The following VWCE variants were observed in gnomAD, a reference collection of about 807,000 sequenced individuals.
VWCE encodes the protein von Willebrand factor C and EGF domain-containing protein.
In VWCE, 68 loss-of-function variants were observed where a neutral mutation model predicts 102.9. The ratio of observed to expected loss-of-function variants is 0.66; its 90% confidence interval spans 0.54 to 0.81. The LOEUF is 0.81. VWCE is among the 30% of genes least tolerant of loss of function. The pLI is 0.00. For missense variants in VWCE, 1,137 were observed against 1,263.6 expected (o/e 0.90, Z 1.52); for synonymous variants, 497 against 515.4 (o/e 0.96, Z 0.48).
At chr11:61,291,036 C>T (rs1855487489) in intron 3 of VWCE, 109 bp from the exon 4 acceptor site, 2 of 1,489,434 alleles carry the variant, frequency 1.3e-6, no homozygotes, top group Non-Finnish European at 1.8e-6. Flanking sequence ...TGAAGGCAAA[C>T]AGGCCTGGGT....
Position 61,295,147 on chromosome 11 carries a change from G to A in VWCE, c.-110C>T. ...CTGGCGCCGTGGGGAGCGAACCAGC[G>A]ATCCCCGAAATGGCACGCAGAGCTG... On this transcript the variant is annotated 5_prime_UTR_variant, in exon 1 of 20. Coordinates refer to ENST00000335613, the MANE Select transcript of VWCE (RefSeq NM_152718.2). The surrounding 1 kb of genome is among the most constrained non-coding windows in gnomAD (Gnocchi z 4.6). 1 of 642,666 alleles carries A rather than the reference G, an allele frequency of 1.6e-6. No individual in the cohort carries two copies. The highest frequency in any genetic ancestry group is 2.3e-6 in the Non-Finnish European group (1 of 442,096). The allele number at this position is 642,666 out of a possible 1,614,324, so 39.8% of individuals were successfully genotyped here. A position where few individuals can be genotyped will look rare whatever the true frequency, so the allele number is the denominator to read the frequency against.
chr11:61,280,524 T>C, intron 9 of VWCE, 100 bp downstream of exon 9: 1 of 1,218,602 alleles, frequency 8.2e-7, no homozygotes, highest in Non-Finnish European at 1.2e-6. Context: ...CTCCAGGAGA[T>C]TCTAATGTAT....
At chr11:61,269,053 G>A (rs762973559) in intron 14 of VWCE, 35 bp from the exon 15 acceptor site, 19 of 1,597,214 alleles carry the variant, frequency 1.2e-5, no homozygotes, top group South Asian at 6.7e-5. Flanking sequence ...AGACCCCACC[G>A]GTGACACCGG....
chr11:61,285,992 G>A (rs1374381786), intron 5 of VWCE, among the ~76,000 whole-genome samples: 2 of 152,160 alleles, frequency 1.3e-5, no homozygotes, highest in South Asian at 2.1e-4. Flanking sequence ...GACCTGAGGT[G>A]ATCCTCCCGC....
At chr11:61,268,602 T>A (rs550668573) in intron 15 of VWCE, among the ~76,000 whole-genome samples, 8 of 152,268 alleles carry the variant, frequency 5.3e-5, no homozygotes, top group Admixed American at 1.3e-4. Context: ...TCTGAAATCA[T>A]GGAAAAGGTA....
Position 61,280,904 on chromosome 11 carries a change from G to A in VWCE, c.1119C>T (p.Gly373=). The change falls in exon 8 of 20, where the codon GGC becomes GGT. Residue 373 remains glycine, a synonymous_variant. Transcript: ENST00000335613. ...CTGCTGCCAGTCGGGGGGACTCAGG[G>A]CCCCTGGGTGAGGAAGGGGTCCCCA... The part of the protein sequence containing the change: ...EVMGTPSSPR[G]PESPRLAAGP... The A allele has an allele frequency of 6.5e-7, 1 of 1,528,712 alleles. No homozygotes were observed. Among genetic ancestry groups the A allele is most frequent in the Admixed American group, 2.2e-5 (1 of 46,116 alleles). The allele number at this position is 1,528,712 out of a possible 1,614,324, so 94.7% of individuals were successfully genotyped here. A position where few individuals can be genotyped will look rare whatever the true frequency, so the allele number is the denominator to read the frequency against.
chr11:61,269,399 A>G (rs1854606048), intron 14 of VWCE: 1 of 197,790 alleles, frequency 5.1e-6, no homozygotes, highest in African/African-American at 2.3e-5. Context: ...CAATGCCACC[A>G]GAAGTGTCTA....
chr11:61,287,467 T>C (rs1338373709), intron 4 of VWCE, among the ~76,000 whole-genome samples: 2 of 151,892 alleles, frequency 1.3e-5, no homozygotes, highest in East Asian at 3.9e-4. Context: ...ATCAACAGAG[T>C]CATTCTCTTA....
rs528668530 is a variant in VWCE, at chr11:61,286,306, C to A, written c.541+8G>T. ...TCCCAGAGCAGCCATTCCTTCTCTG[C>A]AGCTCACCTTGGCAGCTGTGGCGGT... On this transcript the variant is annotated splice_region_variant and intron_variant, in intron 5 of 19. Transcript: ENST00000335613. 2.5e-6 allele frequency: 4 copies of A among 1,605,472 alleles called. No homozygotes were observed. In the African/African-American group the frequency reaches 4.0e-5, roughly 16 times the overall value.
intron 4 of VWCE, among the ~76,000 whole-genome samples, chr11:61,287,437 A>G (rs1855369564): frequency 6.6e-6 from 1 of 152,236 alleles, no homozygotes; most frequent in Non-Finnish European, 1.5e-5. Context: ...AGGGCAGTGG[A>G]CAGGGAGGTT....
At chr11:61,267,424 G>C in intron 16 of VWCE, 38 bp downstream of exon 16, 1 of 1,602,594 alleles carries the variant, frequency 6.2e-7, no homozygotes, top group Non-Finnish European at 8.5e-7. Context: ...TTGTGGGGGA[G>C]TTTCCAGGGG....
At chr11:61,282,363 G>A (rs935026563) in intron 6 of VWCE, 1 of 188,836 alleles carries the variant, frequency 5.3e-6, no homozygotes, top group Admixed American at 6.0e-5. Context: ...TTAAACCCAT[G>A]AGCCAAGCTC....
At position 61,258,970 on chromosome 11, in the gene VWCE, G is replaced by GGAA; in HGVS notation, c.2572_2573insTTC (p.Leu857dup). 1 of 1,593,970 alleles carries GGAA rather than the reference G, an allele frequency of 6.3e-7. No individual in the cohort carries two copies. Among genetic ancestry groups the GGAA allele is most frequent in the Non-Finnish European group, 8.5e-7 (1 of 1,170,376 alleles). On this transcript the variant is annotated inframe_insertion, in exon 20 of 20. Transcript: ENST00000335613. ...CTGAGGAGCCCCTGGGGAAGCTAGA[G>GGAA]GTAGAGTGGGGGCTCCTGGAGGGGT...
Position 61,264,417 on chromosome 11 carries a change from A to G in VWCE, c.2230+70T>C, listed in dbSNP as rs975801446. The G allele has an allele frequency of 5.0e-5, 72 of 1,446,988 alleles. No homozygotes were observed. The Middle Eastern group carries it at 2.9e-3, about 59-fold the overall frequency. 89.6% of individuals were successfully genotyped at this position (1,446,988 alleles called of 1,614,324 possible). A position where few individuals can be genotyped will look rare whatever the true frequency, so the allele number is the denominator to read the frequency against. ...TCTTATCCAGCCCTTTACAAGTTCT[A>G]TGTACCGGGGAAGAAAAGTAAAATG... On this transcript the variant is annotated intron_variant, in intron 19 of 19. Coordinates refer to ENST00000335613, the MANE Select transcript of VWCE (RefSeq NM_152718.2).
In VWCE at chr11:61,294,009, C is replaced by T. The variant is rs1565233948; in HGVS notation, c.110+919G>A. Among the ~76,000 whole-genome samples the T allele has an allele frequency of 6.6e-6, 1 of 152,158 alleles. No individual in the cohort carries two copies. The highest frequency in any genetic ancestry group is 1.5e-5 in the Non-Finnish European group (1 of 68,012). On this transcript the variant is annotated intron_variant, in intron 1 of 19. Transcript: ENST00000335613. The surrounding 1 kb of genome is among the most constrained non-coding windows in gnomAD (Gnocchi z 6.3). ...CGAATGAGCGGAGCCTTGGGACTCTCAGAAACGGACAGGCAGTGCCACCAA... is the reference window on the plus strand; with the variant it reads ...CGAATGAGCGGAGCCTTGGGACTCTTAGAAACGGACAGGCAGTGCCACCAA...
chr11:61,274,645 G>A, intron 11 of VWCE, 61 bp from the exon 12 acceptor site: 7 of 1,541,900 alleles, frequency 4.5e-6, no homozygotes, highest in Non-Finnish European at 6.3e-6. Context: ...TAAAGAAAGG[G>A]GGGAACAAAT....
At chr11:61,271,944 C>CA (rs1345999701) in intron 13 of VWCE, among the ~76,000 whole-genome samples, 184 bp from the exon 14 acceptor site, 13 of 152,104 alleles carry the variant, frequency 8.5e-5, no homozygotes, top group African/African-American at 3.1e-4. Flanking sequence ...GATACACATA[C>CA]ACTCATACAA....
At chr11:61,282,607 G>A (rs1855177705) in intron 6 of VWCE, 182 bp downstream of exon 6, 1 of 617,434 alleles carries the variant, frequency 1.6e-6, no homozygotes, top group Non-Finnish European at 2.9e-6. Context: ...CCAAGACAGG[G>A]TCTTCATGCA....
chr11:61,274,714 GC>G, intron 11 of VWCE, 130 bp from the exon 12 acceptor site: 1 of 663,526 alleles, frequency 1.5e-6, no homozygotes. Flanking sequence ...CATGCTCCGT[GC>G]CCAGGAACCC....
Sources: allele counts gnomAD v4.1 joint callset (sites outside exome capture counted in the v4.1 genomes callset), GRCh38; gene constraint gnomAD v4.1.1; non-coding constraint Gnocchi (gnomAD v3.1); transcripts MANE v1.5; gene names NCBI Gene and HGNC (gene_info 2026-07-23, HGNC 2026-07-21).